Variants in LRRC4C observed in about 807,000 individuals in gnomAD.
LRRC4C encodes leucine-rich repeat-containing protein 4C.
In LRRC4C, 5 loss-of-function variants were observed where a neutral mutation model predicts 33.6. The ratio of observed to expected loss-of-function variants is 0.15; its 90% CI spans 0.08 to 0.31. LRRC4C has a LOEUF of 0.31. Ranked by LOEUF, LRRC4C falls within the 10% of genes least tolerant of loss-of-function variation. LRRC4C has a pLI of 1.00. For synonymous variants in LRRC4C, 329 were observed against 302.0 expected (o/e 1.09, Z -0.93); for missense variants, 560 against 796.7 (o/e 0.70, Z 3.58).
chr11:40,326,912 A>C (rs1307862375), intron 3 of LRRC4C, among the ~76,000 whole-genome samples: 4 of 152,222 alleles, frequency 2.6e-5, no homozygotes, highest in African/African-American at 9.6e-5. Context: ...AGTATTTCAG[A>C]AGTCTAGGAA....
At chr11:40,245,765 G>A (rs955669515) in intron 4 of LRRC4C, among the ~76,000 whole-genome samples, 1 of 151,788 alleles carries the variant, frequency 6.6e-6, no homozygotes, top group Non-Finnish European at 1.5e-5. Flanking sequence ...CTCTTTCATA[G>A]GATTGCTTTT....
At chr11:41,451,079 T>A (rs1483380757) in intron 1 of LRRC4C, among the ~76,000 whole-genome samples, 1 of 152,074 alleles carries the variant, frequency 6.6e-6, no homozygotes, top group Non-Finnish European at 1.5e-5. Context: ...GAGGGAAAAA[T>A]CGGATTGTTT....
At chr11:40,724,185 C>T (rs11036037) in intron 2 of LRRC4C, among the ~76,000 whole-genome samples, 32,448 of 152,012 alleles carry the variant, frequency 0.21, 3,944 homozygotes, top group Middle Eastern at 0.28. Flanking sequence ...CCACTGACAG[C>T]GTTAGACAGA....
At chr11:41,283,358 C>G (rs550174427) in intron 1 of LRRC4C, among the ~76,000 whole-genome samples, 3 of 152,136 alleles carry the variant, frequency 2.0e-5, no homozygotes, top group African/African-American at 7.2e-5. Flanking sequence ...TTGAAACGAC[C>G]TAAATATCTA....
intron 2 of LRRC4C, among the ~76,000 whole-genome samples, chr11:40,786,583 G>T (rs1950418331): frequency 6.6e-6 from 1 of 152,150 alleles, no homozygotes; most frequent in Non-Finnish European, 1.5e-5. Context: ...AGCAAAAGCT[G>T]ATCGCTACTA....
intron 3 of LRRC4C, among the ~76,000 whole-genome samples, chr11:40,471,695 A>AAAAAAG (rs1952946569): frequency 6.6e-6 from 1 of 151,742 alleles, no homozygotes; most frequent in African/African-American, 2.4e-5. Flanking sequence ...AAAAAAAAAA[A>AAAAAAG]AGCAGGGGTT....
intron 4 of LRRC4C, among the ~76,000 whole-genome samples, chr11:40,289,742 T>C (rs868823862): frequency 2.0e-5 from 3 of 152,198 alleles, no homozygotes; most frequent in Non-Finnish European, 2.9e-5. Context: ...AGGTGGGCCA[T>C]AGGTTCCTAA....
chr11:40,850,945 T>C (rs1953456089), intron 2 of LRRC4C, among the ~76,000 whole-genome samples: 1 of 151,196 alleles, frequency 6.6e-6, no homozygotes, highest in Admixed American at 6.6e-5. Flanking sequence ...GAAAACCACC[T>C]ACTCAAGCCT....
intron 1 of LRRC4C, among the ~76,000 whole-genome samples, chr11:41,052,674 G>A (rs184604954): frequency 6.6e-6 from 1 of 152,058 alleles, no homozygotes; most frequent in Non-Finnish European, 1.5e-5. Flanking sequence ...ACAGTGAGTA[G>A]GTGACTAACT....
chr11:40,962,856 T>C (rs1011852317), intron 1 of LRRC4C, among the ~76,000 whole-genome samples: 1 of 151,724 alleles, frequency 6.6e-6, no homozygotes, highest in African/African-American at 2.4e-5. Context: ...AAGCTGGGAA[T>C]AGTCTCACAA....
chr11:40,131,537 G>C (rs1020208776), intron 6 of LRRC4C, among the ~76,000 whole-genome samples: 2 of 152,142 alleles, frequency 1.3e-5, no homozygotes, highest in Admixed American at 1.3e-4. Context: ...GATTGTTGCA[G>C]ATTTCTAGCT....
At chr11:40,528,784 A>G (rs529009935) in intron 3 of LRRC4C, among the ~76,000 whole-genome samples, 2 of 152,310 alleles carry the variant, frequency 1.3e-5, no homozygotes, top group South Asian at 2.1e-4. Context: ...ATATATACAA[A>G]CAATGGAATA....
At chr11:40,950,149 C>T (rs2136705227) in intron 1 of LRRC4C, among the ~76,000 whole-genome samples, 1 of 152,136 alleles carries the variant, frequency 6.6e-6, no homozygotes, top group South Asian at 2.1e-4. Flanking sequence ...CCCACCCCTC[C>T]TCAGAATCAT....
intron 3 of LRRC4C, among the ~76,000 whole-genome samples, chr11:40,376,805 C>T (rs966841696): frequency 6.6e-6 from 1 of 151,584 alleles, no homozygotes; most frequent in South Asian, 2.1e-4. Flanking sequence ...CATAGTGGTC[C>T]GTATCCTTAG....
At chr11:41,084,769 A>C (rs1052715505) in intron 1 of LRRC4C, among the ~76,000 whole-genome samples, 1 of 152,162 alleles carries the variant, frequency 6.6e-6, no homozygotes, top group African/African-American at 2.4e-5. Context: ...GAATCGCTTG[A>C]ACCCGGAAGG....
intron 1 of LRRC4C, among the ~76,000 whole-genome samples, chr11:41,255,300 G>A (rs1309174101): frequency 2.0e-5 from 3 of 151,974 alleles, no homozygotes; most frequent in African/African-American, 7.2e-5. Flanking sequence ...AACGATCTGA[G>A]CTGGGTGGTG....
chr11:40,893,579 A>G (rs1296808944), intron 2 of LRRC4C, among the ~76,000 whole-genome samples: 3 of 152,092 alleles, frequency 2.0e-5, no homozygotes, highest in African/African-American at 7.2e-5. Context: ...AATTTTAAAA[A>G]AGGAAAACTA....
intron 3 of LRRC4C, among the ~76,000 whole-genome samples, chr11:40,358,141 C>T (rs566700140): frequency 1.3e-5 from 2 of 151,844 alleles, no homozygotes; most frequent in African/African-American, 4.8e-5. Flanking sequence ...TGAGATTGTG[C>T]CACTGCACTC....
chr11:40,717,100 T>C (rs1946764890), intron 2 of LRRC4C, among the ~76,000 whole-genome samples: 1 of 152,174 alleles, frequency 6.6e-6, no homozygotes, highest in Non-Finnish European at 1.5e-5. Flanking sequence ...TTCTCTTTTG[T>C]CCTCCATGGG....
Sources: allele counts gnomAD v4.1 joint callset (sites outside exome capture counted in the v4.1 genomes callset), GRCh38; gene constraint gnomAD v4.1.1; transcripts MANE v1.5; gene names NCBI Gene and HGNC (gene_info 2026-07-23, HGNC 2026-07-21).